MED14: variants seen among roughly 807,000 people sequenced by gnomAD.
MED14 encodes the protein mediator of RNA polymerase II transcription subunit 14.
MED14 carries 8 observed loss-of-function variants against 109.0 expected under a neutral mutation model. The observed-to-expected ratio is 0.07, with a 90% CI of 0.04 to 0.13. MED14 has a LOEUF of 0.13. Among genes scored for constraint, MED14 ranks in the 10% least tolerant of loss-of-function variants. The probability of loss-of-function intolerance (pLI) is 1.00; values close to 1 mark genes in which losing one functional copy is unlikely to be tolerated. For synonymous variants in MED14, 399 were observed against 408.7 expected (o/e 0.98, Z 0.29); for missense variants, 711 against 1,142.4 (o/e 0.62, Z 5.44).
At chrX:40,671,273 AC>A (rs1185274884) in intron 23 of MED14, among the ~76,000 whole-genome samples, 1 of 111,586 alleles carries the variant, frequency 9.0e-6, no homozygotes, top group Non-Finnish European at 1.9e-5. Flanking sequence ...CTCAAGAGAT[AC>A]CACTGAATCA....
Position 40,733,120 on chromosome X carries a change from T to C in MED14, c.215+2078A>G, listed in dbSNP as rs764229239. On this transcript the variant is annotated intron_variant, in intron 1 of 30. Transcript: ENST00000324817. ...ATGATTATCAATATTTTTTTTTTTTTTTTTGAGATAGGATCTCACTGTCAC... is the reference window on the plus strand; with the variant it reads ...ATGATTATCAATATTTTTTTTTTTTCTTTTGAGATAGGATCTCACTGTCAC... 3.8e-3 allele frequency among the ~76,000 whole-genome samples: 412 copies of C among 108,429 alleles called. 2 individuals are homozygous for C. The highest frequency in any genetic ancestry group is 0.012 in the African/African-American group (343 of 29,673). The allele number at this position is 108,429 out of a possible 115,157, so 94.2% of individuals were successfully genotyped here.
In MED14 at chrX:40,712,073, G is replaced by A. The variant is rs143672520; in HGVS notation, c.889+113C>T. Reference sequence around the variant, plus strand: ...TCTGCACCTCAAAAAGGGTGGGGGAGATGGGGGCAAGGAATGTAGGCTGCT... The same window carrying A: ...TCTGCACCTCAAAAAGGGTGGGGGAAATGGGGGCAAGGAATGTAGGCTGCT... On this transcript the variant is annotated intron_variant, in intron 7 of 30. Transcript: ENST00000324817. 1.3e-3 allele frequency: 638 copies of A among 484,500 alleles called. 5 individuals carry two copies. The African/African-American group carries it at 0.014, about 11-fold the overall frequency. The allele number at this position is 484,500 out of a possible 1,213,427, so 39.9% of individuals were successfully genotyped here.
At chrX:40,652,455 TA>T (rs1221269389) in intron 30 of MED14, among the ~76,000 whole-genome samples, 4 of 112,340 alleles carry the variant, frequency 3.6e-5, no homozygotes, top group African/African-American at 1.3e-4. Context: ...AACTTAAATT[TA>T]AATAGCCACA....
intron 3 of MED14, among the ~76,000 whole-genome samples, chrX:40,721,295 G>T (rs1396327969): frequency 9.0e-6 from 1 of 111,252 alleles, no homozygotes; most frequent in Non-Finnish European, 1.9e-5. Flanking sequence ...AGGCCTGGCA[G>T]TATTCACCAC....
chrX:40,658,101 G>T (rs767727415), intron 28 of MED14, among the ~76,000 whole-genome samples: 31 of 90,545 alleles, frequency 3.4e-4, no homozygotes, highest in Admixed American at 2.6e-3. Context: ...GCCTTTTTTT[G>T]TGTGTGTGTG....
chrX:40,677,499 G>C (rs1929948895), intron 21 of MED14, among the ~76,000 whole-genome samples: 1 of 110,462 alleles, frequency 9.1e-6, no homozygotes, highest in African/African-American at 3.3e-5. Flanking sequence ...AGATTATGTA[G>C]GATAAAAAGA....
At chrX:40,730,068 T>A in intron 1 of MED14, among the ~76,000 whole-genome samples, 1 of 111,906 alleles carries the variant, frequency 8.9e-6, no homozygotes, top group African/African-American at 3.3e-5. Context: ...CAAGATTCAA[T>A]GGCCTAAACA....
At position 40,681,908 on chromosome X, in the gene MED14, G is replaced by A. The variant is rs1447237881; in HGVS notation, c.2401C>T (p.Arg801Cys). The A allele has an allele frequency of 1.8e-6, 2 of 1,142,038 alleles. No homozygotes were observed. Among genetic ancestry groups the A allele is most frequent in the Non-Finnish European group, 2.4e-6 (2 of 850,207 alleles). The allele number at this position is 1,142,038 out of a possible 1,213,427, so 94.1% of individuals were successfully genotyped here. A position where few individuals can be genotyped will look rare whatever the true frequency, so the allele number is the denominator to read the frequency against. Residue 801 changes from arginine (R) to cysteine (C), a missense_variant, in exon 19 of 31, where the codon CGT (arginine) becomes TGT (cysteine). By Grantham distance (180) the Arg-to-Cys change is radical. Transcript: ENST00000324817. ...PAHLNIFSEV[R>C]VYNYRKLILC... ...ATAAGTTTTCGGTAATTATAAACAC[G>A]AACTTCTGAGAAAATATTTAGATGA...
intron 23 of MED14, 108 bp from the exon 24 acceptor site, chrX:40,666,959 G>A (rs1221133468): frequency 1.5e-6 from 1 of 664,173 alleles, no homozygotes; most frequent in Non-Finnish European, 2.2e-6. Context: ...AAGTAGTATA[G>A]CTCCCATATA....
chrX:40,711,691 C>T (rs1306409289), intron 7 of MED14, among the ~76,000 whole-genome samples: 1 of 109,507 alleles, frequency 9.1e-6, no homozygotes, highest in Admixed American at 9.8e-5. Flanking sequence ...GGCATGATCT[C>T]GGCTCACTGC....
rs1928830443 is a variant in MED14, at chrX:40,650,566, T to C, written c.*1240A>G. Reference sequence around the variant, plus strand: ...AGACCTTTGCATCAGACCATGTTCTTTGAAGCTTAAAAAAGTCCCTGACTG... The same window carrying C: ...AGACCTTTGCATCAGACCATGTTCTCTGAAGCTTAAAAAAGTCCCTGACTG... On this transcript the variant is annotated 3_prime_UTR_variant, in exon 31 of 31. Coordinates refer to ENST00000324817, the MANE Select transcript of MED14 (RefSeq NM_004229.4). The C allele has an allele frequency of 1.6e-5, 12 of 754,020 alleles. No homozygotes were observed. The highest frequency in any genetic ancestry group is 1.7e-5 in the Non-Finnish European group (11 of 639,327). The allele number at this position is 754,020 out of a possible 1,213,427, so 62.1% of individuals were successfully genotyped here.
intron 12 of MED14, among the ~76,000 whole-genome samples, chrX:40,699,799 T>C (rs1458747630): frequency 1.8e-5 from 2 of 111,471 alleles, no homozygotes; most frequent in African/African-American, 6.5e-5. Flanking sequence ...ATACACTAAA[T>C]AGCTGCTCAA....
In MED14 at chrX:40,715,569, G is replaced by A. The variant is rs751575249; in HGVS notation, c.349-859C>T. Among the ~76,000 whole-genome samples, 157 of 109,724 alleles carry A rather than the reference G, an allele frequency of 1.4e-3. 1 individual carries two copies. The highest frequency in any genetic ancestry group is 1.8e-3 in the Admixed American group (19 of 10,297). ...TGGGAGGCCAAGGTGGGCAGGTCAC[G>A]AGGTCAGGAGATTGAGACCATTCTG... On this transcript the variant is annotated intron_variant, in intron 3 of 30. Transcript: ENST00000324817.
Position 40,714,646 on chromosome X carries a change from G to A in MED14, c.413C>T (p.Ser138Leu), listed in dbSNP as rs1284963457. 1 of 1,211,364 alleles carries A rather than the reference G, an allele frequency of 8.3e-7. No individual in the cohort carries two copies. Among genetic ancestry groups the A allele is most frequent in the Non-Finnish European group, 1.1e-6 (1 of 895,265 alleles). Reference sequence around the variant, plus strand: ...ATGGACCAGAGCATCTCTAGCTAACGAGGCCAGGCGATCAGCAGTGTCCAC... The same window carrying A: ...ATGGACCAGAGCATCTCTAGCTAACAAGGCCAGGCGATCAGCAGTGTCCAC... Reference protein sequence around the residue: ...LFVDTADRLASLARDALVHAR... With the variant: ...LFVDTADRLALLARDALVHAR... The change falls in exon 4 of 31, where the codon TCG (serine) becomes TTG (leucine). Residue 138 changes from serine (S) to leucine (L), a missense_variant. By Grantham distance (145) the Ser-to-Leu change is moderately radical (BLOSUM62 -2). Around this residue, in one of 8 missense-constraint regions of MED14, gnomAD observed 31 missense variants for 79.3 expected, o/e 0.39. Coordinates refer to ENST00000324817, the MANE Select transcript of MED14 (RefSeq NM_004229.4).
intron 25 of MED14, among the ~76,000 whole-genome samples, chrX:40,663,634 A>G (rs992343818): frequency 1.8e-5 from 2 of 112,495 alleles, no homozygotes; most frequent in African/African-American, 6.5e-5. Context: ...CTACAGACAC[A>G]TGAGTGAGCT....
chrX:40,655,137 G>T, intron 28 of MED14, 77 bp from the exon 29 acceptor site: 1 of 1,044,634 alleles, frequency 9.6e-7, no homozygotes, highest in South Asian at 2.2e-5. Flanking sequence ...AGTCTGAGAG[G>T]TTAGAATTTT....
In MED14 at chrX:40,712,137, G is replaced by C. The variant is rs138212323; in HGVS notation, c.889+49C>G. 585 of 944,942 alleles carry C rather than the reference G, an allele frequency of 6.2e-4. 5 individuals carry two copies. In the East Asian group the frequency reaches 0.017, roughly 27 times the overall value. 77.9% of individuals were successfully genotyped at this position (944,942 alleles called of 1,213,427 possible). ...AAGGACAAATGAAAAATGTGGGAGA[G>C]GTACCACAAAATCCTTACAAATATA... On this transcript the variant is annotated intron_variant, in intron 7 of 30. Coordinates refer to ENST00000324817, the MANE Select transcript of MED14 (RefSeq NM_004229.4).
At chrX:40,723,388 G>A (rs111483195) in intron 3 of MED14, among the ~76,000 whole-genome samples, 103 of 111,203 alleles carry the variant, frequency 9.3e-4, no homozygotes, top group African/African-American at 3.1e-3. Flanking sequence ...ACAATGGGCC[G>A]GGCGCGGTGG....
At chrX:40,679,075 C>G in intron 21 of MED14, among the ~76,000 whole-genome samples, 1 of 111,958 alleles carries the variant, frequency 8.9e-6, no homozygotes, top group South Asian at 3.7e-4. Flanking sequence ...ACTAAAAACA[C>G]ATACAACTGA....
Sources: allele counts gnomAD v4.1 joint callset (sites outside exome capture counted in the v4.1 genomes callset), GRCh38; gene constraint gnomAD v4.1.1; regional missense constraint gnomAD v4.1.1; transcripts MANE v1.5; gene names NCBI Gene and HGNC (gene_info 2026-07-23, HGNC 2026-07-21).